Variants in PTPRO observed in about 807,000 individuals in gnomAD.
PTPRO encodes the protein protein tyrosine phosphatase receptor type O, also known as receptor-type tyrosine-protein phosphatase O.
Under a neutral mutation model 145.2 loss-of-function variants are expected in PTPRO, and 62 were observed. That is an observed-to-expected ratio of 0.43 (90% CI 0.35 to 0.53). The LOEUF is 0.53. Among genes scored for constraint, PTPRO ranks in the 20% least tolerant of loss-of-function variants. PTPRO has a pLI of 0.01. For missense variants in PTPRO, 1,345 were observed against 1,482.7 expected, an observed-to-expected ratio of 0.91 and a Z score of 1.53; for synonymous variants, 565 against 514.7, an observed-to-expected ratio of 1.10 and a Z score of -1.32.
At chr12:15,383,048 G>A (rs1392652631) in intron 1 of PTPRO, among the ~76,000 whole-genome samples, 1 of 152,142 alleles carries the variant, frequency 6.6e-6, no homozygotes, top group African/African-American at 2.4e-5. Flanking sequence ...CTGTGCAATA[G>A]ATCAGCAGAT....
intron 1 of PTPRO, among the ~76,000 whole-genome samples, chr12:15,339,270 G>A (rs1259602662): frequency 6.6e-6 from 1 of 152,160 alleles, no homozygotes; most frequent in African/African-American, 2.4e-5. Context: ...ACGAGAAAAT[G>A]TAAGTTATGT....
At chr12:15,339,790 T>C (rs937876060) in intron 1 of PTPRO, among the ~76,000 whole-genome samples, 1 of 152,202 alleles carries the variant, frequency 6.6e-6, no homozygotes, top group African/African-American at 2.4e-5. Context: ...TTACAATTCA[T>C]ATATATATGC....
chr12:15,587,688 C>T (rs751147365), intron 24 of PTPRO, among the ~76,000 whole-genome samples: 2 of 152,210 alleles, frequency 1.3e-5, no homozygotes, highest in Non-Finnish European at 2.9e-5. Flanking sequence ...TTAATTTGTT[C>T]TTCCTACTGT....
At chr12:15,513,188 A>G (rs571829536) in intron 7 of PTPRO, among the ~76,000 whole-genome samples, 1 of 116,646 alleles carries the variant, frequency 8.6e-6, no homozygotes, top group Non-Finnish European at 1.7e-5. Context: ...AAAGAAAGAA[A>G]GAAAGAAAGA....
At chr12:15,504,608 C>T (rs950323055) in intron 6 of PTPRO, among the ~76,000 whole-genome samples, 3 of 152,078 alleles carry the variant, frequency 2.0e-5, no homozygotes, top group Non-Finnish European at 4.4e-5. Context: ...AACAGGACAG[C>T]AAAAGCTAGC....
At chr12:15,524,669 T>G in intron 10 of PTPRO, 145 bp from the exon 11 acceptor site, 2 of 814,252 alleles carry the variant, frequency 2.5e-6, no homozygotes, top group Non-Finnish European at 4.1e-6. Flanking sequence ...TCACTGTTAT[T>G]GAGAGGTCCT....
intron 1 of PTPRO, among the ~76,000 whole-genome samples, chr12:15,441,112 C>T (rs1940753616): frequency 6.6e-6 from 1 of 152,076 alleles, no homozygotes. Flanking sequence ...ACATGCTCTA[C>T]CATAAAGTAA....
intron 13 of PTPRO, 131 bp from the exon 14 acceptor site, chr12:15,548,963 T>C (rs1417312600): frequency 9.7e-7 from 1 of 1,033,922 alleles, no homozygotes; most frequent in African/African-American, 1.6e-5. Context: ...GGAAACATTT[T>C]TCAATGCTAT....
Position 15,516,828 on chromosome 12 carries a change from A to C in PTPRO, c.1651A>C (p.Thr551Pro). The C allele has an allele frequency of 6.2e-7, 1 of 1,612,404 alleles. No homozygotes were observed. The highest frequency in any genetic ancestry group is 8.5e-7 in the Non-Finnish European group (1 of 1,178,412). The change falls in exon 9 of 27, where the codon ACC becomes CCC. Residue 551 changes from threonine (T) to proline (P), a missense_variant. This residue lies in a region of PTPRO where 1,130 missense variants were observed against 1,214.7 expected (regional missense o/e 0.93). Coordinates refer to ENST00000281171, the MANE Select transcript of PTPRO (RefSeq NM_030667.3). ...LGPTAVVLSW[T>P]RPYLGVFRKY... is the part of the protein sequence containing the mutation. ...TCCTACGGCCGTGGTTCTGAGCTGG[A>C]CCAGACCTTATTTAGGCGTGTTCAG... is the stretch of plus-strand genomic sequence containing the variant.
chr12:15,414,212 T>C (rs549171659), intron 1 of PTPRO, among the ~76,000 whole-genome samples: 1 of 152,332 alleles, frequency 6.6e-6, no homozygotes, highest in African/African-American at 2.4e-5. Context: ...AGGAGTGTTC[T>C]TCAACTTTGA....
chr12:15,440,114 G>A (rs1418987259), intron 1 of PTPRO: 1 of 635,386 alleles, frequency 1.6e-6, no homozygotes, highest in Non-Finnish European at 2.8e-6. Context: ...CCTCATCCCT[G>A]AGTCCAGGAA....
chr12:15,403,277 A>G (rs1189599906), intron 1 of PTPRO, among the ~76,000 whole-genome samples: 2 of 151,980 alleles, frequency 1.3e-5, no homozygotes, highest in Non-Finnish European at 2.9e-5. Context: ...ACAACTCTTC[A>G]GACTCTCAAT....
intron 1 of PTPRO, among the ~76,000 whole-genome samples, chr12:15,442,837 GA>G (rs1344735448): frequency 1.3e-5 from 2 of 151,864 alleles, no homozygotes; most frequent in African/African-American, 2.4e-5. Flanking sequence ...ACACACAAAT[GA>G]AAAAACATTC....
At chr12:15,433,338 GCTAA>G (rs1348856090) in intron 1 of PTPRO, among the ~76,000 whole-genome samples, 2 of 151,964 alleles carry the variant, frequency 1.3e-5, no homozygotes, top group Non-Finnish European at 2.9e-5. Flanking sequence ...ACCATGCTCG[GCTAA>G]CTTTTTGTAT....
intron 1 of PTPRO, chr12:15,410,193 TATGAAACGTGC>T (rs1178878693): frequency 1.3e-5 from 2 of 152,220 alleles, no homozygotes; most frequent in Non-Finnish European, 2.9e-5. Flanking sequence ...AAACACAATT[TATGAAACGTGC>T]ATGTCATAGT....
At chr12:15,331,279 T>G (rs957647026) in intron 1 of PTPRO, among the ~76,000 whole-genome samples, 3 of 152,030 alleles carry the variant, frequency 2.0e-5, no homozygotes, top group Non-Finnish European at 4.4e-5. Flanking sequence ...GAAAATATCT[T>G]TATATTAGGA....
intron 12 of PTPRO, among the ~76,000 whole-genome samples, chr12:15,538,256 A>C (rs190266890): frequency 6.6e-6 from 1 of 150,396 alleles, no homozygotes; most frequent in East Asian, 2.0e-4. Context: ...TTTTTGAGAC[A>C]GAGTCTTACT....
At chr12:15,508,845 T>A in intron 7 of PTPRO, 78 bp downstream of exon 7, 1 of 1,453,890 alleles carries the variant, frequency 6.9e-7, no homozygotes. Flanking sequence ...AGGAGGCAAT[T>A]GTAGGAAGCC....
intron 1 of PTPRO, among the ~76,000 whole-genome samples, chr12:15,403,711 C>G (rs1053885155): frequency 6.6e-6 from 1 of 152,142 alleles, no homozygotes; most frequent in African/African-American, 2.4e-5. Flanking sequence ...TCACTTCTTA[C>G]CAGTGTCCCT....
Sources: allele counts gnomAD v4.1 joint callset (sites outside exome capture counted in the v4.1 genomes callset), GRCh38; gene constraint gnomAD v4.1.1; regional missense constraint gnomAD v4.1.1; transcripts MANE v1.5; gene names NCBI Gene and HGNC (gene_info 2026-07-23, HGNC 2026-07-21).